Variants in UMODL1 observed in about 807,000 individuals in gnomAD.
UMODL1 encodes the protein uromodulin-like 1.
Under a neutral mutation model 136.3 loss-of-function variants are expected in UMODL1, and 128 were observed. The ratio of observed to expected loss-of-function variants is 0.94; its 90% CI spans 0.81 to 1.09. The LOEUF (loss-of-function observed/expected upper bound fraction) is 1.09. Ranked by LOEUF, UMODL1 falls within the 50% of genes least tolerant of loss-of-function variation. The pLI is 0.00. For synonymous variants in UMODL1, 721 were observed against 720.0 expected (o/e 1.00, Z -0.02); for missense variants, 1,766 against 1,725.6 (o/e 1.02, Z -0.41).
At chr21:42,076,743 C>T (rs1016606667) in intron 2 of UMODL1, among the ~76,000 whole-genome samples, 2 of 152,302 alleles carry the variant, frequency 1.3e-5, no homozygotes, top group East Asian at 1.9e-4. Context: ...GAAATGCTTT[C>T]GTAGCCAAAA....
chr21:42,127,330 A>G (rs2067072810), intron 19 of UMODL1, 88 bp downstream of exon 19: 1 of 1,221,392 alleles, frequency 8.2e-7, no homozygotes, highest in Non-Finnish European at 1.2e-6. Context: ...AGACATCCCC[A>G]TCCAGCAATG....
intron 15 of UMODL1, among the ~76,000 whole-genome samples, chr21:42,120,069 A>G (rs1348921617): frequency 1.3e-5 from 2 of 152,278 alleles, no homozygotes; most frequent in Non-Finnish European, 2.9e-5. Context: ...CAGACAAGGT[A>G]TAAAAGAAGA....
rs1241939366 is a variant in UMODL1 at position 42,118,500 on chromosome 21, T to C, written c.2476-611T>C. ...ATGGGTTAGCATGGAATCAATCATA[T>C]AGCGTGTGGTGTGTGACTGTGTCCA... is the stretch of plus-strand genomic sequence containing the variant. On this transcript the variant is annotated intron_variant, in intron 14 of 22. Transcript: ENST00000408910. Among the ~76,000 whole-genome samples, 10 of 152,334 alleles carry C rather than the reference T, an allele frequency of 6.6e-5. No homozygotes were observed. The East Asian group carries it at 1.9e-3, about 29-fold the overall frequency.
At position 42,085,214 on chromosome 21, in the gene UMODL1, C is replaced by T; in HGVS notation, c.482-77C>T. 6.4e-7 allele frequency: 1 copy of T among 1,556,512 alleles called. No homozygotes were observed. The highest frequency in any genetic ancestry group is 8.7e-7 in the Non-Finnish European group (1 of 1,147,130). ...CATGGCCTCTGGTTCCCTCTCCTGC[C>T]CCCTCTCCCACCCCAGCAGCTTTTG... On this transcript the variant is annotated intron_variant, in intron 3 of 22. Transcript: ENST00000408910. The surrounding 1 kb of genome is among the most constrained non-coding windows in gnomAD (Gnocchi z 4.5).
intron 9 of UMODL1, chr21:42,108,406 G>A: frequency 2.0e-6 from 1 of 496,040 alleles, no homozygotes; most frequent in East Asian, 6.2e-5. Context: ...CATAGCTGTT[G>A]TGGCAGCTGA....
chr21:42,091,263 C>T (rs1023811403), intron 6 of UMODL1, among the ~76,000 whole-genome samples: 3 of 152,230 alleles, frequency 2.0e-5, no homozygotes, highest in Admixed American at 6.5e-5. Context: ...CATGAAAGGG[C>T]AGGACTGATG....
At chr21:42,134,524 G>A (rs2067177289) in intron 21 of UMODL1, among the ~76,000 whole-genome samples, 1 of 152,156 alleles carries the variant, frequency 6.6e-6, no homozygotes, top group African/African-American at 2.4e-5. Context: ...AGACTGAGGC[G>A]GTGGCTGAGC....
At chr21:42,090,254 T>C in intron 5 of UMODL1, 44 bp from the exon 6 acceptor site, 1 of 1,610,334 alleles carries the variant, frequency 6.2e-7, no homozygotes, top group East Asian at 2.2e-5. Context: ...GATGACGAGG[T>C]AGCTGCGACT....
intron 22 of UMODL1, among the ~76,000 whole-genome samples, chr21:42,138,040 G>A (rs930489447): frequency 2.6e-5 from 4 of 152,076 alleles, no homozygotes; most frequent in African/African-American, 4.8e-5. Context: ...CTGGCTCCAC[G>A]ATACCAGCGG....
At chr21:42,103,633 G>A (rs2066667016) in intron 8 of UMODL1, 1 of 656,902 alleles carries the variant, frequency 1.5e-6, no homozygotes, top group Non-Finnish European at 2.9e-6. Context: ...GATTGCAGTG[G>A]TCACTGTGAG....
Position 42,084,211 on chromosome 21 carries a change from AG to A in UMODL1, c.453del (p.Arg152AlafsTer26), listed in dbSNP as rs755485498. 3.5e-5 allele frequency: 57 copies of A among 1,613,440 alleles called. 2 individuals carry two copies. In the South Asian group the frequency reaches 4.5e-4, roughly 13 times the overall value. ...PGLEKCCPWS[G>X]GRYCMAPAPQ... ...GACTTGAGAAGTGCTGCCCCTGGTC[AG>A]GGGGGCGCTACTGCATGGCCCCTGC... is the stretch of plus-strand genomic sequence containing the variant. On this transcript the variant is annotated frameshift_variant, in exon 3 of 23. Transcript: ENST00000408910. LOFTEE classifies it high-confidence loss of function.
intron 4 of UMODL1, among the ~76,000 whole-genome samples, chr21:42,087,945 G>T (rs1421355362): frequency 6.6e-6 from 1 of 152,056 alleles, no homozygotes; most frequent in Non-Finnish European, 1.5e-5. Flanking sequence ...TTTTTGTGAG[G>T]GCACCAGCCA....
At chr21:42,064,867 T>G (rs756426780) in intron 1 of UMODL1, among the ~76,000 whole-genome samples, 4 of 152,218 alleles carry the variant, frequency 2.6e-5, no homozygotes, top group Non-Finnish European at 5.9e-5. Context: ...ACAAATTTCT[T>G]TCTTTTCTTT....
intron 3 of UMODL1, 67 bp downstream of exon 3, chr21:42,084,312 G>A: frequency 6.5e-7 from 1 of 1,541,374 alleles, no homozygotes; most frequent in Admixed American, 1.9e-5. Context: ...CCTGATCTGT[G>A]TGAAGGTGTG....
Position 42,110,959 on chromosome 21 carries a change from A to G in UMODL1, c.1737A>G (p.Ala579=). The G allele has an allele frequency of 6.2e-7, 1 of 1,613,250 alleles. No homozygotes were observed. Among genetic ancestry groups the G allele is most frequent in the Non-Finnish European group, 8.5e-7 (1 of 1,179,844 alleles). Residue 579 remains alanine, a synonymous_variant, in exon 11 of 23, where the codon GCA becomes GCG. Coordinates refer to ENST00000408910, the MANE Select transcript of UMODL1 (RefSeq NM_001004416.3). ...VTVPGLGTGT[A]ALGLENFTLS... ...TCCCAGGTCTTGGCACGGGAACAGC[A>G]GCCCTCGGCCTAGAGAACTTCACCT...
upstream of UMODL1, among the ~76,000 whole-genome samples, chr21:42,070,714 C>A (rs2066222158): frequency 6.6e-6 from 1 of 152,226 alleles, no homozygotes; most frequent in Non-Finnish European, 1.5e-5. Context: ...TATGTAATTT[C>A]CCACTTTAAG....
At chr21:42,110,305 G>A (rs530369318) in intron 10 of UMODL1, among the ~76,000 whole-genome samples, 14 of 152,366 alleles carry the variant, frequency 9.2e-5, no homozygotes, top group East Asian at 7.7e-4. Flanking sequence ...GGACACAGGC[G>A]TGGCAGAGGC....
chr21:42,079,919 GGGCACTGAGGACAC>G (rs1397905087), intron 2 of UMODL1, among the ~76,000 whole-genome samples: 1 of 152,186 alleles, frequency 6.6e-6, no homozygotes. Flanking sequence ...GAACATTTCA[GGGCACTGAGGACAC>G]GGAGTTCTTT....
At chr21:42,101,801 A>G in intron 7 of UMODL1, 1 of 453,302 alleles carries the variant, frequency 2.2e-6, no homozygotes, top group South Asian at 1.6e-5. Flanking sequence ...TGGGGGCCTG[A>G]GTAAGGGCCT....
Sources: gnomAD v4.1 joint callset for allele counts (sites outside exome capture counted in the v4.1 genomes callset) on GRCh38, gnomAD v4.1.1 for gene constraint, Gnocchi (gnomAD v3.1) non-coding constraint, MANE v1.5 for transcripts, NCBI Gene and HGNC (gene_info 2026-07-23, HGNC 2026-07-21) for gene names.